USP37: variants seen among roughly 807,000 people sequenced by gnomAD.
USP37 encodes ubiquitin carboxyl-terminal hydrolase 37.
A neutral mutation model predicts 124.0 loss-of-function variants in USP37; 27 were observed. That is an observed-to-expected ratio of 0.22 (90% CI 0.16 to 0.30). The LOEUF (loss-of-function observed/expected upper bound fraction) is 0.30. Ranked by LOEUF, USP37 falls within the 10% of genes least tolerant of loss-of-function variation. The pLI is 1.00. For missense variants in USP37, 889 were observed against 1,140.4 expected (o/e 0.78, Z 3.17); for synonymous variants, 365 against 388.0 (o/e 0.94, Z 0.70).
chr2:218,466,036 C>T lies in USP37; in HGVS notation c.2440G>A (p.Ala814Thr). Residue 814 changes from alanine to threonine, a missense_variant, in exon 21 of 26, where the codon GCA (alanine) becomes ACA (threonine). Coordinates refer to ENST00000258399, the MANE Select transcript of USP37 (RefSeq NM_020935.3). ...TGCTCTTGAAGGCTCTGAGCCAGTGCCTGCTGAAGCTCTTGCTCTTCCCTT... is the reference window on the plus strand; with the variant it reads ...TGCTCTTGAAGGCTCTGAGCCAGTGTCTGCTGAAGCTCTTGCTCTTCCCTT... ...REREEQELQQ[A>T]LAQSLQEQEA... The T allele has an allele frequency of 6.2e-7, 1 of 1,611,568 alleles. No homozygotes were observed. Among genetic ancestry groups the T allele is most frequent in the Non-Finnish European group, 8.5e-7 (1 of 1,179,506 alleles).
intron 11 of USP37, among the ~76,000 whole-genome samples, chr2:218,503,792 G>A (rs1398156267): frequency 6.6e-6 from 1 of 152,070 alleles, no homozygotes. Flanking sequence ...AGGCAATAAT[G>A]GAGATAAAAT....
intron 8 of USP37, among the ~76,000 whole-genome samples, chr2:218,541,744 C>G (rs1691983694): frequency 6.6e-6 from 1 of 152,060 alleles, no homozygotes; most frequent in South Asian, 2.1e-4. Flanking sequence ...GAATCCATGA[C>G]AAAATGGAAT....
intron 22 of USP37, among the ~76,000 whole-genome samples, chr2:218,462,167 A>G (rs527424155): frequency 3.3e-5 from 5 of 150,378 alleles, no homozygotes; most frequent in African/African-American, 1.2e-4. Flanking sequence ...CAAAAAAAGA[A>G]AAAAAAAAAA....
intron 10 of USP37, among the ~76,000 whole-genome samples, chr2:218,529,750 G>T (rs1030993023): frequency 3.9e-5 from 6 of 152,050 alleles, no homozygotes; most frequent in African/African-American, 1.2e-4. Flanking sequence ...GCCTCTCAAA[G>T]TGCTGGGATT....
At chr2:218,537,918 T>C (rs1691745875) in intron 8 of USP37, among the ~76,000 whole-genome samples, 1 of 152,178 alleles carries the variant, frequency 6.6e-6, no homozygotes, top group Non-Finnish European at 1.5e-5. Context: ...AGCATCTGAC[T>C]GATGGTCATC....
exon 1 of USP37, chr2:218,568,350 ACACG>A (rs1208392535): frequency 3.3e-5 from 5 of 152,758 alleles, no homozygotes; most frequent in Admixed American, 6.5e-5. Flanking sequence ...CCACACGCAA[ACACG>A]CACGCACGCA....
At chr2:218,471,579 T>C (rs1442744138) in intron 20 of USP37, among the ~76,000 whole-genome samples, 5 of 152,204 alleles carry the variant, frequency 3.3e-5, no homozygotes, top group African/African-American at 1.2e-4. Flanking sequence ...GAAATCTCCA[T>C]TTGCCTGTTT....
chr2:218,519,142 A>C (rs1292288609), intron 10 of USP37, among the ~76,000 whole-genome samples: 1 of 152,258 alleles, frequency 6.6e-6, no homozygotes, highest in Non-Finnish European at 1.5e-5. Flanking sequence ...GCAATTTAAG[A>C]TGTCACAATA....
At chr2:218,459,708 C>A in intron 23 of USP37, 82 bp downstream of exon 23, 3 of 1,220,756 alleles carry the variant, frequency 2.5e-6, no homozygotes, top group South Asian at 1.4e-5. Flanking sequence ...GCAGTGGACA[C>A]TGAAAGTGGG....
Position 218,510,011 on chromosome 2 carries a change from G to A in USP37, c.993C>T (p.Pro331=). 1.9e-6 allele frequency: 3 copies of A among 1,592,458 alleles called. No individual in the cohort carries two copies. Among genetic ancestry groups the A allele is most frequent in the Non-Finnish European group, 2.6e-6 (3 of 1,165,068 alleles). The change falls in exon 11 of 26, where the codon CCC becomes CCT. Residue 331 remains proline, a synonymous_variant. Transcript: ENST00000258399. The part of the protein sequence containing the change: ...DYTGWNKPRV[P]LSSHQQQQLQ... ...GTTGCTGCTGTTGGTGAGAGGAAAG[G>A]GGCACTCTTGGTTTATTCCAGCCAG...
At chr2:218,501,041 CTTTTTTTT>C (rs57037342) in intron 11 of USP37, 6 of 134,804 alleles carry the variant, frequency 4.5e-5, no homozygotes, top group African/African-American at 1.7e-4. Context: ...CACATCCAAT[CTTTTTTTT>C]TTTTTTTTTG....
At chr2:218,470,111 C>T (rs1380378978) in intron 20 of USP37, among the ~76,000 whole-genome samples, 1 of 152,138 alleles carries the variant, frequency 6.6e-6, no homozygotes, top group Non-Finnish European at 1.5e-5. Context: ...TGAGCCACTG[C>T]GTGTGGCCTT....
At chr2:218,544,406 A>AAAAAAAATATATAT (rs1312705279) in intron 8 of USP37, among the ~76,000 whole-genome samples, 1 of 82,976 alleles carries the variant, frequency 1.2e-5, no homozygotes, top group African/African-American at 6.9e-5. Context: ...AAAAAAAAAA[A>AAAAAAAATATATAT]ATATATATAT....
chr2:218,488,249 C>T, intron 15 of USP37, 55 bp downstream of exon 15: 1 of 968,950 alleles, frequency 1.0e-6, no homozygotes, highest in Non-Finnish European at 1.5e-6. Context: ...TATTCAAATA[C>T]AACTATCAAT....
At chr2:218,553,462 G>T in intron 5 of USP37, 91 bp downstream of exon 5, 1 of 1,208,078 alleles carries the variant, frequency 8.3e-7, no homozygotes, top group Non-Finnish European at 1.1e-6. Flanking sequence ...TCCTTTTAAT[G>T]TGCTGATGAA....
intron 22 of USP37, among the ~76,000 whole-genome samples, chr2:218,460,664 C>T (rs1056230128): frequency 2.0e-5 from 3 of 151,858 alleles, no homozygotes; most frequent in South Asian, 2.1e-4. Context: ...ATTTCTTGGC[C>T]GAGTGTGGTG....
In USP37 at chr2:218,479,776, A is replaced by C; in HGVS notation, c.1836-61T>G. On this transcript the variant is annotated intron_variant, in intron 17 of 25. Transcript: ENST00000258399. ...ATGAATTATTAAAGATATATATTTA[A>C]ATTATAAAATGAATTATTCTTACTA... 3.1e-6 allele frequency: 3 copies of C among 979,996 alleles called. No individual in the cohort carries two copies. In the South Asian group the frequency reaches 8.0e-5, roughly 26 times the overall value. The allele number at this position is 979,996 out of a possible 1,614,324, so 60.7% of individuals were successfully genotyped here.
In USP37 at chr2:218,474,715, G is replaced by A. The variant is rs775138813; in HGVS notation, c.2214C>T (p.Thr738=). ...DDDKPTSSPD[T]GFAEDDIQEM... ...CTTGAATATCATCTTCTGCAAATCC[G>A]GTATCTGGGCTGCTAGTTGGCTTAT... Residue 738 remains threonine (T), a synonymous_variant, in exon 20 of 26, where the codon ACC becomes ACT. Transcript: ENST00000258399. 50 of 1,613,902 alleles carry A rather than the reference G, an allele frequency of 3.1e-5. No individual in the cohort carries two copies. The highest frequency in any genetic ancestry group is 1.6e-4 in the Middle Eastern group (1 of 6,084).
At chr2:218,521,733 C>T (rs1286596041) in intron 10 of USP37, among the ~76,000 whole-genome samples, 1 of 152,152 alleles carries the variant, frequency 6.6e-6, no homozygotes, top group Admixed American at 6.5e-5. Flanking sequence ...AAGTCTGGAT[C>T]CTACACTAAT....
Sources: gnomAD v4.1 joint callset for allele counts (sites outside exome capture counted in the v4.1 genomes callset) on GRCh38, gnomAD v4.1.1 for gene constraint, MANE v1.5 for transcripts, NCBI Gene and HGNC (gene_info 2026-07-23, HGNC 2026-07-21) for gene names.